Variants in CD3E observed in about 807,000 individuals in gnomAD.
The protein encoded by CD3E is T-cell surface glycoprotein CD3 epsilon chain.
A neutral mutation model predicts 34.7 loss-of-function variants in CD3E; 16 were observed. That is an observed-to-expected ratio of 0.46 (90% confidence interval 0.31 to 0.70). The LOEUF (loss-of-function observed/expected upper bound fraction) is 0.70, where lower values mean the gene tolerates loss of function less well. CD3E is among the 30% of genes least tolerant of loss of function. The pLI is 0.05. For synonymous variants in CD3E, 70 were observed against 90.8 expected (o/e 0.77, Z 1.30); for missense variants, 223 against 253.9 (o/e 0.88, Z 0.83).
At chr11:118,312,516 A>G (rs2134766369) in intron 5 of CD3E, 102 bp from the exon 6 acceptor site, 2 of 1,342,358 alleles carry the variant, frequency 1.5e-6, no homozygotes, top group East Asian at 2.3e-5. Context: ...TAAGATCTAG[A>G]TGACAGATGA....
At position 118,312,584 on chromosome 11, in the gene CD3E, GTTTCTTCTGCCAA is replaced by G. The variant is rs750597143; in HGVS notation, c.104-29_104-17del. On this transcript the variant is annotated intron_variant, in intron 5 of 8. Coordinates refer to ENST00000361763, the MANE Select transcript of CD3E (RefSeq NM_000733.4). ...ATTTGCCTTTTCTAAAATTGTCCTGGTTTCTTCTGCCAATTTCCCTTCTTTCTCCCCAGCATAT... is the reference window on the plus strand; with the variant it reads ...ATTTGCCTTTTCTAAAATTGTCCTGGTTTCCCTTCTTTCTCCCCAGCATAT... 9.1e-5 allele frequency: 147 copies of G among 1,613,850 alleles called. No individual in the cohort carries two copies. The African/African-American group carries it at 1.7e-3, about 19-fold the overall frequency.
In CD3E at chr11:118,312,139, T is replaced by C. The variant is rs200448338; in HGVS notation, c.86-14T>C. The C allele has an allele frequency of 6.2e-7, 1 of 1,610,776 alleles. No homozygotes were observed. Among genetic ancestry groups the C allele is most frequent in the Non-Finnish European group, 8.5e-7 (1 of 1,176,936 alleles). On this transcript the variant is annotated splice_polypyrimidine_tract_variant and intron_variant, in intron 4 of 8. Transcript: ENST00000361763. The stretch of plus-strand genomic sequence containing the variant: ...TGATATTTTCTTACTGCTGTTTCCT[T>C]TTTTCATTTTCAGGTGGTATTACAC...
In CD3E at chr11:118,314,088, T is replaced by TGAAAGTGATGGGCTTCCTCA. The variant is rs1210964069; in HGVS notation, c.520+215_520+234dup. Among the ~76,000 whole-genome samples the TGAAAGTGATGGGCTTCCTCA allele has an allele frequency of 5.3e-5, 8 of 152,242 alleles. No individual in the cohort carries two copies. The East Asian group carries it at 1.2e-3, about 22-fold the overall frequency. On this transcript the variant is annotated intron_variant, in intron 7 of 8. Transcript: ENST00000361763. Reference sequence around the variant, plus strand: ...TCCTAGAAAAGTGCAAAAAAGTTTATGAAAGTGATGGGCTTCCTCACATAC... The same window carrying TGAAAGTGATGGGCTTCCTCA: ...TCCTAGAAAAGTGCAAAAAAGTTTATGAAAGTGATGGGCTTCCTCAGAAAGTGATGGGCTTCCTCACATAC...
chr11:118,307,317 T>C lies in CD3E; in HGVS notation c.70+9T>C. 6.2e-7 allele frequency: 1 copy of C among 1,603,374 alleles called. No individual in the cohort carries two copies. On this transcript the variant is annotated intron_variant, in intron 3 of 8. Coordinates refer to ENST00000361763, the MANE Select transcript of CD3E (RefSeq NM_000733.4). ...CGTTTGGGGGCAAGATGGTGAGATA[T>C]GCTTTCTTTCTTTCTTTTTTATGAA...
At chr11:118,307,796 TAG>T (rs1948115844) in intron 3 of CD3E, among the ~76,000 whole-genome samples, 1 of 152,138 alleles carries the variant, frequency 6.6e-6, no homozygotes, top group African/African-American at 2.4e-5. Context: ...ACCACAGCGG[TAG>T]AGTCAGGAGT....
At chr11:118,313,011 T>G (rs1002304455) in intron 6 of CD3E, 145 bp downstream of exon 6, 16 of 890,170 alleles carry the variant, frequency 1.8e-5, no homozygotes, top group Non-Finnish European at 2.8e-5. Flanking sequence ...GACTCTCTGG[T>G]ACCACACGGC....
Position 118,314,499 on chromosome 11 carries a change from C to T in CD3E, c.567+5C>T, listed in dbSNP as rs777844130. 5.6e-6 allele frequency: 9 copies of T among 1,613,510 alleles called. No individual in the cohort carries two copies. The highest frequency in any genetic ancestry group is 3.3e-5 in the Admixed American group (2 of 59,992). On this transcript the variant is annotated splice_donor_5th_base_variant and intron_variant, in intron 8 of 8. Coordinates refer to ENST00000361763, the MANE Select transcript of CD3E (RefSeq NM_000733.4). ...GTTCCCAACCCAGACTATGAGGTAA[C>T]GTGGGATAGAAATGGGCCAGGACGC...
At chr11:118,313,005 C>A in intron 6 of CD3E, 139 bp downstream of exon 6, 7 of 928,848 alleles carry the variant, frequency 7.5e-6, no homozygotes, top group Non-Finnish European at 1.2e-5. Context: ...TCCTGGGACT[C>A]TCTGGTACCA....
intron 8 of CD3E, 68 bp from the exon 9 acceptor site, chr11:118,315,418 T>C: frequency 1.5e-6 from 2 of 1,368,314 alleles, no homozygotes; most frequent in South Asian, 1.2e-5. Flanking sequence ...AGCTAGCTCT[T>C]CAGTGTCCTT....
chr11:118,307,351 A>T lies in CD3E; in HGVS notation c.70+43A>T, dbSNP rs200460568. 2.0e-5 allele frequency: 31 copies of T among 1,565,336 alleles called. No homozygotes were observed. In the Middle Eastern group the frequency reaches 5.0e-4, roughly 25 times the overall value. ...TCTTTCTTTTTTATGAAATCACCCC[A>T]TCATTCTTTGTAGTTATGAATGGAG... On this transcript the variant is annotated intron_variant, in intron 3 of 8. Coordinates refer to ENST00000361763, the MANE Select transcript of CD3E (RefSeq NM_000733.4).
At position 118,315,645 on chromosome 11, in the gene CD3E, T is replaced by C. The variant is rs998818732; in HGVS notation, c.*103T>C. On this transcript the variant is annotated 3_prime_UTR_variant, in exon 9 of 9. Transcript: ENST00000361763. ...TCTTGGACCCCACGAGAGAGAATCG[T>C]TCCTCAGCCTCATGGTGAACTCGCG... is the stretch of plus-strand genomic sequence containing the variant. The C allele has an allele frequency of 7.8e-6, 8 of 1,022,314 alleles. No homozygotes were observed. Among genetic ancestry groups the C allele is most frequent in the Non-Finnish European group, 1.2e-5 (8 of 670,090 alleles). 63.3% of individuals were successfully genotyped at this position (1,022,314 alleles called of 1,614,324 possible).
In CD3E at chr11:118,308,414, G is replaced by A. The variant is rs771042139; in HGVS notation, c.71-13G>A. On this transcript the variant is annotated splice_polypyrimidine_tract_variant and intron_variant, in intron 3 of 8. Transcript: ENST00000361763. ...GAAACATTACTAATGGCTTCTTACTGTTTCCTTTTCAGGTAATGAAGAAAT... is the reference window on the plus strand; with the variant it reads ...GAAACATTACTAATGGCTTCTTACTATTTCCTTTTCAGGTAATGAAGAAAT... 1 of 1,592,816 alleles carries A rather than the reference G, an allele frequency of 6.3e-7. No individual in the cohort carries two copies. The highest frequency in any genetic ancestry group is 1.7e-5 in the Admixed American group (1 of 59,444).
chr11:118,308,959 G>A (rs954220246), intron 4 of CD3E, among the ~76,000 whole-genome samples: 8 of 152,178 alleles, frequency 5.3e-5, no homozygotes, highest in South Asian at 2.1e-4. Context: ...ACTGAGTGTC[G>A]TTGGGAAAGG....
chr11:118,312,852 A>G lies in CD3E; in HGVS notation c.338A>G (p.Tyr113Cys), dbSNP rs1197196910. Residue 113 changes from tyrosine (Y) to cysteine (C), a missense_variant, in exon 6 of 9, where the codon TAC (tyrosine) becomes TGC (cysteine). Physicochemically the swap from Tyr to Cys is radical, Grantham distance 194. Coordinates refer to ENST00000361763, the MANE Select transcript of CD3E (RefSeq NM_000733.4). The stretch of plus-strand genomic sequence containing the variant: ...CCAGAAGATGCGAACTTTTATCTCT[A>G]CCTGAGGGCAAGAGGTAATCCAGGT... ...SKPEDANFYLYLRARVCENCM... is the reference protein window; with the variant it reads ...SKPEDANFYLCLRARVCENCM... 7 of 1,614,046 alleles carry G rather than the reference A, an allele frequency of 4.3e-6. No individual in the cohort carries two copies. The highest frequency in any genetic ancestry group is 5.9e-6 in the Non-Finnish European group (7 of 1,180,034).
chr11:118,306,993 C>T (rs758299028), intron 2 of CD3E, among the ~76,000 whole-genome samples: 10 of 152,048 alleles, frequency 6.6e-5, no homozygotes, highest in Non-Finnish European at 1.5e-4. Flanking sequence ...TGTCTCTAGT[C>T]GTCCAAAAAA....
chr11:118,304,770 G>C lies in CD3E; in HGVS notation c.-66G>C. 2 of 696,202 alleles carry C rather than the reference G, an allele frequency of 2.9e-6. No individual in the cohort carries two copies. The highest frequency in any genetic ancestry group is 5.3e-6 in the Non-Finnish European group (2 of 380,640). 43.1% of individuals were successfully genotyped at this position (696,202 alleles called of 1,614,324 possible). A position where few individuals can be genotyped will look rare whatever the true frequency, so the allele number is the denominator to read the frequency against. On this transcript the variant is annotated 5_prime_UTR_variant, in exon 1 of 9. Coordinates refer to ENST00000361763, the MANE Select transcript of CD3E (RefSeq NM_000733.4). ...CTCCCAGCCTCAGGTGCCTGCTTCA[G>C]AAAATGGTGAGTCTCTCTCTTATAA... is the stretch of plus-strand genomic sequence containing the variant.
At chr11:118,308,934 G>T (rs1948121533) in intron 4 of CD3E, among the ~76,000 whole-genome samples, 1 of 152,170 alleles carries the variant, frequency 6.6e-6, no homozygotes, top group Admixed American at 6.6e-5. Context: ...TATAAAGAGG[G>T]GAGTGGTCAA....
At chr11:118,312,057 T>C (rs1565511104) in intron 4 of CD3E, 96 bp from the exon 5 acceptor site, 2 of 1,029,304 alleles carry the variant, frequency 1.9e-6, no homozygotes, top group East Asian at 2.4e-5. Flanking sequence ...TGGGAAGTCT[T>C]GTGGGCAGTG....
intron 4 of CD3E, among the ~76,000 whole-genome samples, chr11:118,309,288 T>C (rs1256877164): frequency 6.6e-6 from 1 of 152,090 alleles, no homozygotes; most frequent in East Asian, 1.9e-4. Context: ...TAAAAGGCAG[T>C]AGGAGGGCCG....
Sources: allele counts gnomAD v4.1 joint callset (sites outside exome capture counted in the v4.1 genomes callset), GRCh38; gene constraint gnomAD v4.1.1; transcripts MANE v1.5; gene names NCBI Gene and HGNC (gene_info 2026-07-23, HGNC 2026-07-21).